Variants in CNTRL observed in about 807,000 individuals in gnomAD.
CNTRL encodes the protein centriolin.
CNTRL carries 233 observed loss-of-function variants against 303.7 expected under a neutral mutation model. The ratio of observed to expected loss-of-function variants is 0.77; its 90% confidence interval spans 0.69 to 0.86. The LOEUF (loss-of-function observed/expected upper bound fraction) is 0.86, where lower values mean the gene tolerates loss of function less well. Among genes scored for constraint, CNTRL ranks in the 40% least tolerant of loss-of-function variants. The pLI is 0.00. For synonymous variants in CNTRL, 900 were observed against 922.2 expected, an observed-to-expected ratio of 0.98 and a Z score of 0.44; for missense variants, 2,524 against 2,650.6, an observed-to-expected ratio of 0.95 and a Z score of 1.05.
In CNTRL at chr9:121,142,231, G is replaced by A; in HGVS notation, c.2832G>A (p.Lys944=). 2 of 1,610,392 alleles carry A rather than the reference G, an allele frequency of 1.2e-6. No homozygotes were observed. Among genetic ancestry groups the A allele is most frequent in the African/African-American group, 1.3e-5 (1 of 74,678 alleles). The part of the protein sequence containing the change: ...DLQLQEADEE[K]ERILAQLREL... ...AACTTCAGGAAGCTGATGAAGAGAAGGAGAGAATTCTGGCCCAACTCCGAG... is the reference window on the plus strand; with the variant it reads ...AACTTCAGGAAGCTGATGAAGAGAAAGAGAGAATTCTGGCCCAACTCCGAG... Residue 944 remains lysine (K), a synonymous_variant, in exon 19 of 44, where the codon AAG becomes AAA. Coordinates refer to ENST00000373855, the MANE Select transcript of CNTRL (RefSeq NM_007018.6).
intron 42 of CNTRL, among the ~76,000 whole-genome samples, chr9:121,174,788 A>G (rs1429152542): frequency 6.6e-6 from 1 of 152,196 alleles, no homozygotes; most frequent in African/African-American, 2.4e-5. Context: ...GCTAGCATGG[A>G]AAAACTGGGC....
chr9:121,119,643 G>A (rs1588154318), intron 12 of CNTRL, among the ~76,000 whole-genome samples: 1 of 150,138 alleles, frequency 6.7e-6, no homozygotes, highest in African/African-American at 2.5e-5. Context: ...TTACAGGCGC[G>A]CACCACCACA....
intron 12 of CNTRL, among the ~76,000 whole-genome samples, chr9:121,119,703 T>A (rs536673482): frequency 6.6e-6 from 1 of 151,140 alleles, no homozygotes; most frequent in African/African-American, 2.4e-5. Flanking sequence ...TCCATGTTGC[T>A]CAGGCTGGTC....
rs754427403 is a variant in CNTRL at position 121,173,412 on chromosome 9, TAGA to T, written c.6590_6592del (p.Glu2197del). 6 of 1,613,886 alleles carry T rather than the reference TAGA, an allele frequency of 3.7e-6. No individual in the cohort carries two copies. Among genetic ancestry groups the T allele is most frequent in the South Asian group, 3.3e-5 (3 of 91,080 alleles). Reference sequence around the variant, plus strand: ...GCTATTTTGGAAAGAAACGAAAACCTAGAAGGAGAATTGGAAAGCTTGAAAGAG... The same window carrying T: ...GCTATTTTGGAAAGAAACGAAAACCTAGGAGAATTGGAAAGCTTGAAAGAG... On this transcript the variant is annotated inframe_deletion, in exon 41 of 44. Coordinates refer to ENST00000373855, the MANE Select transcript of CNTRL (RefSeq NM_007018.6).
At chr9:121,151,387 CTTTTTTT>C (rs71370632) in intron 25 of CNTRL, among the ~76,000 whole-genome samples, 5 of 90,430 alleles carry the variant, frequency 5.5e-5, no homozygotes, top group African/African-American at 1.6e-4. Context: ...TTTTCTTCTT[CTTTTTTT>C]TTTTTTTTTT....
rs531935359 is a variant in CNTRL, at chr9:121,077,769, A to AC, written c.-204-2531dup. On this transcript the variant is annotated intron_variant, in intron 1 of 43. Transcript: ENST00000373855. ...AGACCAACCTGGGAACTATAGTGAG[A>AC]CCCCCCATCTCTACAAAAAATAAAA... 1.2e-3 allele frequency among the ~76,000 whole-genome samples: 141 copies of AC among 121,812 alleles called. 3 individuals carry two copies. The East Asian group carries it at 0.024, about 21-fold the overall frequency. The allele number at this position is 121,812 out of a possible 152,430, so 79.9% of individuals were successfully genotyped here.
intron 4 of CNTRL, 104 bp from the exon 5 acceptor site, chr9:121,094,784 T>G: frequency 1.2e-6 from 1 of 839,080 alleles, no homozygotes; most frequent in Non-Finnish European, 1.8e-6. Flanking sequence ...GGTATATTAT[T>G]TTCTGATGAC....
intron 12 of CNTRL, among the ~76,000 whole-genome samples, chr9:121,123,241 A>G (rs940331111): frequency 2.6e-5 from 4 of 152,118 alleles, no homozygotes; most frequent in Non-Finnish European, 4.4e-5. Context: ...GTCTTTTTCT[A>G]TAGATATATG....
At chr9:121,075,649 C>T (rs1259720974) in intron 1 of CNTRL, among the ~76,000 whole-genome samples, 2 of 152,192 alleles carry the variant, frequency 1.3e-5, no homozygotes, top group African/African-American at 2.4e-5. Flanking sequence ...TTAACCAGGT[C>T]TGTGACCCTG....
chr9:121,157,185 T>TGTC (rs2052616904), intron 27 of CNTRL, among the ~76,000 whole-genome samples: 1 of 152,254 alleles, frequency 6.6e-6, no homozygotes, highest in Non-Finnish European at 1.5e-5. Flanking sequence ...GTTGCTACAT[T>TGTC]GTCATCTGAT....
chr9:121,162,839 T>C (rs2052914867), intron 34 of CNTRL, among the ~76,000 whole-genome samples: 1 of 152,134 alleles, frequency 6.6e-6, no homozygotes, highest in African/African-American at 2.4e-5. Flanking sequence ...AGTGTAAAGA[T>C]AAACACATAG....
Position 121,144,869 on chromosome 9 carries a change from C to G in CNTRL, c.3078C>G (p.Ser1026Arg). The part of the protein sequence containing the change: ...AEELQEAERF[S>R]RKAAQAARDL... ...AGTTGCAGGAAGCAGAGAGGTTCAG[C>G]AGAAAGGCAGCACAAGCAGCCAGAG... Residue 1026 changes from serine to arginine, a missense_variant, in exon 21 of 44, where the codon AGC becomes AGG. Transcript: ENST00000373855. 1.9e-6 allele frequency: 3 copies of G among 1,613,298 alleles called. No individual in the cohort carries two copies. The highest frequency in any genetic ancestry group is 2.5e-6 in the Non-Finnish European group (3 of 1,179,910).
At chr9:121,163,270 T>C (rs2052936427) in intron 34 of CNTRL, among the ~76,000 whole-genome samples, 1 of 150,084 alleles carries the variant, frequency 6.7e-6, no homozygotes, top group Non-Finnish European at 1.5e-5. Flanking sequence ...CAGTGAGCCA[T>C]AATGATACCA....
intron 40 of CNTRL, 136 bp downstream of exon 40, chr9:121,171,684 C>G (rs2053311750): frequency 2.1e-6 from 2 of 931,814 alleles, no homozygotes; most frequent in African/African-American, 1.7e-5. Flanking sequence ...TAAGTCAAAT[C>G]TGGTTTTTTA....
chr9:121,154,777 C>A lies in CNTRL; in HGVS notation c.4229C>A (p.Ser1410Ter). ...SLMTELEIEK[S>*]LKHHEDIVDE... ...ATGACTGAACTAGAAATAGAAAAATCACTCAAACATCATGAAGATATTGTA... is the reference window on the plus strand; with the variant it reads ...ATGACTGAACTAGAAATAGAAAAATAACTCAAACATCATGAAGATATTGTA... Residue 1410 changes from serine (S) to a stop codon, truncating the protein, a stop_gained, in exon 27 of 44, where the codon TCA (serine) becomes TAA (stop). Coordinates refer to ENST00000373855, the MANE Select transcript of CNTRL (RefSeq NM_007018.6). LOFTEE classifies it high-confidence loss of function. 1 of 1,611,764 alleles carries A rather than the reference C, an allele frequency of 6.2e-7. No homozygotes were observed. The highest frequency in any genetic ancestry group is 1.1e-5 in the South Asian group (1 of 90,978).
intron 38 of CNTRL, among the ~76,000 whole-genome samples, chr9:121,168,669 A>G (rs1157291339): frequency 1.3e-5 from 2 of 152,240 alleles, no homozygotes; most frequent in Non-Finnish European, 2.9e-5. Flanking sequence ...TGTCAAAAAA[A>G]TCATATTAAC....
At chr9:121,097,857 A>G (rs2048958906) in intron 6 of CNTRL, among the ~76,000 whole-genome samples, 1 of 152,194 alleles carries the variant, frequency 6.6e-6, no homozygotes, top group Non-Finnish European at 1.5e-5. Flanking sequence ...GGGAGAGAAG[A>G]TTTATTTGTA....
intron 2 of CNTRL, among the ~76,000 whole-genome samples, chr9:121,083,754 C>T (rs185690317): frequency 4.6e-5 from 7 of 152,338 alleles, no homozygotes; most frequent in African/African-American, 1.7e-4. Flanking sequence ...CCTTGTAGCA[C>T]AGTAGGTTTG....
At chr9:121,168,382 T>G in intron 38 of CNTRL, 61 bp downstream of exon 38, 2 of 1,478,634 alleles carry the variant, frequency 1.4e-6, no homozygotes, top group African/African-American at 2.8e-5. Flanking sequence ...CTGGTTGTCT[T>G]GCAAAAGTAT....
Sources: allele counts gnomAD v4.1 joint callset (sites outside exome capture counted in the v4.1 genomes callset), GRCh38; gene constraint gnomAD v4.1.1; transcripts MANE v1.5; gene names NCBI Gene and HGNC (gene_info 2026-07-23, HGNC 2026-07-21).